RIMS2: variants seen among roughly 807,000 people sequenced by gnomAD.
RIMS2 encodes the protein regulating synaptic membrane exocytosis 2, also known as regulating synaptic membrane exocytosis protein 2.
RIMS2 carries 59 observed loss-of-function variants against 174.4 expected under a neutral mutation model. That is an observed-to-expected ratio of 0.34 (90% confidence interval 0.27 to 0.42). The LOEUF is 0.42. Among genes scored for constraint, RIMS2 ranks in the 10% least tolerant of loss-of-function variants. RIMS2 has a pLI of 1.00. For synonymous variants in RIMS2, 606 were observed against 572.5 expected, an observed-to-expected ratio of 1.06 and a Z score of -0.84; for missense variants, 1,620 against 1,666.3, an observed-to-expected ratio of 0.97 and a Z score of 0.48.
chr8:104,044,840 C>A, intron 19 of RIMS2, among the ~76,000 whole-genome samples: 1 of 151,288 alleles, frequency 6.6e-6, no homozygotes, highest in Admixed American at 6.6e-5. Flanking sequence ...TCACATAAGC[C>A]TAGAGATAAA....
chr8:103,968,139 G>A (rs557889085), intron 15 of RIMS2, among the ~76,000 whole-genome samples: 17 of 152,234 alleles, frequency 1.1e-4, no homozygotes, highest in East Asian at 9.7e-4. Context: ...GGGATTACAG[G>A]CATGGTGAGC....
At chr8:103,796,113 A>G (rs1348439820) in intron 3 of RIMS2, among the ~76,000 whole-genome samples, 1 of 151,976 alleles carries the variant, frequency 6.6e-6, no homozygotes, top group African/African-American at 2.4e-5. Context: ...ACTCCCCACA[A>G]TATGTTTTTC....
chr8:103,567,186 T>G (rs1289148141), intron 1 of RIMS2, among the ~76,000 whole-genome samples: 3 of 152,222 alleles, frequency 2.0e-5, no homozygotes, highest in African/African-American at 7.2e-5. Context: ...TGTGGTAAAA[T>G]GCACATATAA....
At chr8:103,663,295 T>A (rs1001808159) in intron 1 of RIMS2, among the ~76,000 whole-genome samples, 1 of 152,018 alleles carries the variant, frequency 6.6e-6, no homozygotes. Context: ...TAAGGAGGTG[T>A]GTTACAATAG....
At chr8:103,896,231 T>C (rs1283141768) in intron 4 of RIMS2, among the ~76,000 whole-genome samples, 2 of 151,612 alleles carry the variant, frequency 1.3e-5, no homozygotes, top group Non-Finnish European at 2.9e-5. Context: ...TTGCCTCTTT[T>C]AGCTGACAAA....
At chr8:104,183,967 G>T (rs1586771499) in intron 19 of RIMS2, among the ~76,000 whole-genome samples, 1 of 151,596 alleles carries the variant, frequency 6.6e-6, no homozygotes. Context: ...GATTATGGAG[G>T]TTTTCGAGGA....
chr8:103,962,411 C>A (rs2090430193), intron 15 of RIMS2, among the ~76,000 whole-genome samples: 1 of 152,104 alleles, frequency 6.6e-6, no homozygotes, highest in Non-Finnish European at 1.5e-5. Context: ...ACTCTGGATT[C>A]ATTAAGTTTC....
In RIMS2 at chr8:103,876,675, G is replaced by A. The variant is rs142732059; in HGVS notation, c.699-8623G>A. Among the ~76,000 whole-genome samples, 458 of 150,270 alleles carry A rather than the reference G, an allele frequency of 3.0e-3. 4 individuals are homozygous for A. Among genetic ancestry groups the A allele is most frequent in the African/African-American group, 0.01 (430 of 41,048 alleles). ...TCCTCATAGCTTAGCTCACACTTAT[G>A]AGTGAGAGCATATGATGTTTGCTTT... On this transcript the variant is annotated intron_variant, in intron 3 of 23. Transcript: ENST00000504942.
rs78774079 is a variant in RIMS2 at position 104,216,169 on chromosome 8, G to C, written c.3335-28747G>C. 1.4e-4 allele frequency among the ~76,000 whole-genome samples: 21 copies of C among 152,300 alleles called. No individual in the cohort carries two copies. The East Asian group carries it at 2.5e-3, about 18-fold the overall frequency. ...TCCTAAAACTTTTTGAAGACATTCA[G>C]TGAGAGTTTTAGATTCCTGGTGATA... On this transcript the variant is annotated intron_variant, in intron 19 of 23. Transcript: ENST00000504942.
chr8:104,009,702 A>G (rs1005803068), intron 17 of RIMS2, among the ~76,000 whole-genome samples: 4 of 152,124 alleles, frequency 2.6e-5, no homozygotes, highest in Admixed American at 6.6e-5. Flanking sequence ...AATTTTTTTA[A>G]ATTTAAGATG....
At chr8:103,772,550 G>T (rs6987829) in intron 3 of RIMS2, among the ~76,000 whole-genome samples, 1 of 151,932 alleles carries the variant, frequency 6.6e-6, no homozygotes, top group Non-Finnish European at 1.5e-5. Context: ...ACTGTGTACA[G>T]GGATCATACA....
chr8:104,027,356 C>T (rs1281030556), intron 19 of RIMS2, among the ~76,000 whole-genome samples: 1 of 152,134 alleles, frequency 6.6e-6, no homozygotes, highest in Non-Finnish European at 1.5e-5. Context: ...AGCCTTTCCC[C>T]TTTAATTTAC....
At chr8:104,129,023 A>C (rs1187341916) in intron 19 of RIMS2, among the ~76,000 whole-genome samples, 1 of 152,218 alleles carries the variant, frequency 6.6e-6, no homozygotes, top group East Asian at 1.9e-4. Flanking sequence ...TCTTGACTTT[A>C]AAAGTGGCTG....
chr8:104,012,045 C>A (rs2095779391), intron 17 of RIMS2, among the ~76,000 whole-genome samples: 1 of 151,848 alleles, frequency 6.6e-6, no homozygotes, highest in African/African-American at 2.4e-5. Flanking sequence ...TACCATTTAA[C>A]TGTTACTAGT....
chr8:104,227,010 A>C (rs1241386250), intron 19 of RIMS2, among the ~76,000 whole-genome samples: 1 of 152,114 alleles, frequency 6.6e-6, no homozygotes, highest in African/African-American at 2.4e-5. Flanking sequence ...CTTTAATTTC[A>C]TGATAATTTT....
At chr8:103,679,896 T>A (rs2096858592) in intron 1 of RIMS2, among the ~76,000 whole-genome samples, 1 of 152,104 alleles carries the variant, frequency 6.6e-6, no homozygotes, top group Non-Finnish European at 1.5e-5. Context: ...CTGCCTGCTA[T>A]CTGCTTTTGT....
chr8:103,889,576 C>G (rs915205766), intron 4 of RIMS2, among the ~76,000 whole-genome samples: 5 of 151,594 alleles, frequency 3.3e-5, no homozygotes, highest in African/African-American at 1.2e-4. Flanking sequence ...CAGAATCTTT[C>G]CTGGTCTATA....
chr8:104,100,384 C>T (rs1598831581), intron 19 of RIMS2, among the ~76,000 whole-genome samples: 1 of 151,906 alleles, frequency 6.6e-6, no homozygotes, highest in African/African-American at 2.4e-5. Flanking sequence ...ATCATGTCAC[C>T]TGCATTTAAA....
At chr8:104,216,540 C>A (rs2099130594) in intron 19 of RIMS2, among the ~76,000 whole-genome samples, 1 of 152,186 alleles carries the variant, frequency 6.6e-6, no homozygotes, top group Non-Finnish European at 1.5e-5. Flanking sequence ...ACTTCATGGG[C>A]TTATTCCTGA....
Sources: gnomAD v4.1 joint callset for allele counts (sites outside exome capture counted in the v4.1 genomes callset) on GRCh38, gnomAD v4.1.1 for gene constraint, MANE v1.5 for transcripts, NCBI Gene and HGNC (gene_info 2026-07-23, HGNC 2026-07-21) for gene names.